The following PCDHA5 variants were observed in gnomAD, a reference collection of about 807,000 sequenced individuals.
PCDHA5 encodes protocadherin alpha 5.
In PCDHA5, 43 loss-of-function variants were observed where a neutral mutation model predicts 61.6. That is an observed-to-expected ratio of 0.70 (90% CI 0.55 to 0.90). PCDHA5 has a LOEUF of 0.90. Ranked by LOEUF, PCDHA5 falls within the 40% of genes least tolerant of loss-of-function variation. The pLI is 0.00. For synonymous variants in PCDHA5, 627 were observed against 543.9 expected, an observed-to-expected ratio of 1.15 and a Z score of -2.13; for missense variants, 1,298 against 1,222.7, an observed-to-expected ratio of 1.06 and a Z score of -0.92.
intron 1 of PCDHA5, among the ~76,000 whole-genome samples, chr5:140,941,214 CCTTTCTTTCTTT>C (rs60032403): frequency 3.3e-5 from 4 of 122,414 alleles, no homozygotes; most frequent in Non-Finnish European, 6.8e-5. Flanking sequence ...TTTCTTTCTT[CCTTTCTTTCTTT>C]CTTTCTTTCT....
chr5:140,929,499 C>A, intron 1 of PCDHA5: 2 of 980,262 alleles, frequency 2.0e-6, no homozygotes, highest in Non-Finnish European at 2.8e-6. Context: ...GAAGATTGCC[C>A]TAGGCCTCAA....
rs1276562311 is a variant in PCDHA5, at chr5:140,851,314, C to T, written c.2352+27187C>T. ...AGCAAAAATATATAGCAATTGTTAC[C>T]TTGTTAAGTTTGTAGTTCTCTACAT... On this transcript the variant is annotated intron_variant, in intron 1 of 3. Transcript: ENST00000529859. The T allele has an allele frequency of 2.6e-5, 26 of 997,988 alleles. 4 individuals carry two copies. Among genetic ancestry groups the T allele is most frequent in the Non-Finnish European group, 2.6e-5 (21 of 813,766 alleles). The allele number at this position is 997,988 out of a possible 1,614,324, so 61.8% of individuals were successfully genotyped here.
chr5:140,878,001 T>C (rs2057434893), intron 1 of PCDHA5: 6 of 1,018,808 alleles, frequency 5.9e-6, no homozygotes, highest in South Asian at 4.4e-5. Flanking sequence ...TATGTATTTG[T>C]CTAACATTAA....
intron 1 of PCDHA5, among the ~76,000 whole-genome samples, chr5:140,893,520 T>G (rs1490032872): frequency 6.6e-6 from 1 of 152,152 alleles, no homozygotes; most frequent in Non-Finnish European, 1.5e-5. Flanking sequence ...GTTGTAGAAC[T>G]CCTTTAAGTA....
rs1779165164 is a variant in PCDHA5, at chr5:140,843,975, T to C, written c.2352+19848T>C. ...TTTTTACTGAATATTTATTTTGGCCTGCCTTACAGCCGTCTTCTCTGAACA... is the reference window on the plus strand; with the variant it reads ...TTTTTACTGAATATTTATTTTGGCCCGCCTTACAGCCGTCTTCTCTGAACA... On this transcript the variant is annotated intron_variant, in intron 1 of 3. Transcript: ENST00000529859. 1.3e-5 allele frequency among the ~76,000 whole-genome samples: 2 copies of C among 149,640 alleles called. 1 individual carries two copies. The highest frequency in any genetic ancestry group is 3.0e-5 in the Non-Finnish European group (2 of 66,898).
intron 1 of PCDHA5, chr5:140,850,800 C>T (rs1554144941): frequency 1.9e-6 from 3 of 1,598,392 alleles, no homozygotes; most frequent in African/African-American, 1.3e-5. Context: ...GAAGACCGAC[C>T]TCATGGCCTT....
intron 1 of PCDHA5, chr5:140,968,379 A>C: frequency 6.2e-7 from 1 of 1,614,034 alleles, no homozygotes; most frequent in Non-Finnish European, 8.5e-7. Context: ...AACTCCTTTG[A>C]CTATGAGAAG....
chr5:140,909,249 G>A (rs1180498257), intron 1 of PCDHA5, among the ~76,000 whole-genome samples: 1 of 152,196 alleles, frequency 6.6e-6, no homozygotes, highest in Non-Finnish European at 1.5e-5. Flanking sequence ...TATATTGCTG[G>A]CCTTGCTGAC....
chr5:140,864,600 C>G (rs1159658217), intron 1 of PCDHA5: 3 of 152,164 alleles, frequency 2.0e-5, no homozygotes, highest in African/African-American at 7.2e-5. Flanking sequence ...TTCAGATAGC[C>G]AACAACTTTG....
In PCDHA5 at chr5:140,876,046, C is replaced by T. The variant is rs781957967; in HGVS notation, c.2352+51919C>T. 1.5e-5 allele frequency: 24 copies of T among 1,613,720 alleles called. No individual in the cohort carries two copies. The Admixed American group carries it at 1.7e-4, about 11-fold the overall frequency. Reference sequence around the variant, plus strand: ...AACAAAAAAAGATAAAAGTATATTGCCTGAATTAGTTCTTCGGAAGTTATT... The same window carrying T: ...AACAAAAAAAGATAAAAGTATATTGTCTGAATTAGTTCTTCGGAAGTTATT... On this transcript the variant is annotated intron_variant, in intron 1 of 3. Transcript: ENST00000529859.
At chr5:140,966,267 G>T (rs141363782) in intron 1 of PCDHA5, 112 of 351,092 alleles carry the variant, frequency 3.2e-4, no homozygotes, top group Non-Finnish European at 4.7e-4. Context: ...GAGACTGGAT[G>T]AACTGGACAG....
chr5:140,883,557 G>T, intron 1 of PCDHA5: 1 of 1,614,214 alleles, frequency 6.2e-7, no homozygotes, highest in South Asian at 1.1e-5. Flanking sequence ...GCGCGGGACG[G>T]GGGCTCGCCT....
intron 1 of PCDHA5, chr5:140,967,990 G>C: frequency 6.2e-7 from 1 of 1,614,232 alleles, no homozygotes; most frequent in Non-Finnish European, 8.5e-7. Flanking sequence ...AGGCCACACT[G>C]CCTTTCCGAC....
intron 1 of PCDHA5, chr5:140,967,874 C>T: frequency 6.2e-7 from 1 of 1,614,132 alleles, no homozygotes; most frequent in Non-Finnish European, 8.5e-7. Context: ...GCTCACGGAC[C>T]TGTATAGCCC....
chr5:140,966,699 C>A, intron 1 of PCDHA5: 1 of 1,361,588 alleles, frequency 7.3e-7, no homozygotes, highest in Non-Finnish European at 9.4e-7. Context: ...GGGGCCCGGG[C>A]GTGGGGCACG....
At chr5:140,897,227 CA>C (rs1408350956) in intron 1 of PCDHA5, among the ~76,000 whole-genome samples, 2 of 152,036 alleles carry the variant, frequency 1.3e-5, no homozygotes, top group African/African-American at 2.4e-5. Context: ...TACATGTGCA[CA>C]ATGTGCAGGT....
intron 1 of PCDHA5, among the ~76,000 whole-genome samples, chr5:140,932,553 C>T (rs1288415511): frequency 6.6e-6 from 1 of 151,798 alleles, no homozygotes; most frequent in African/African-American, 2.4e-5. Context: ...AACATACATT[C>T]CACAAGTAGA....
intron 1 of PCDHA5, chr5:140,834,138 ATAGT>A (rs1772812314): frequency 2.0e-6 from 1 of 499,248 alleles, no homozygotes; most frequent in Non-Finnish European, 3.5e-6. Context: ...CATCTGATTA[ATAGT>A]TTGTAATGGT....
chr5:140,969,418 TTAACAG>T (rs782375088), intron 1 of PCDHA5: 40 of 1,564,272 alleles, frequency 2.6e-5, no homozygotes, highest in Non-Finnish European at 3.4e-5. Context: ...TATTGAGTCA[TTAACAG>T]TGACAAGAGT....
Sources: gnomAD v4.1 joint callset for allele counts (sites outside exome capture counted in the v4.1 genomes callset) on GRCh38, gnomAD v4.1.1 for gene constraint, MANE v1.5 for transcripts, NCBI Gene and HGNC (gene_info 2026-07-23, HGNC 2026-07-21) for gene names.